Variants in RAD51B observed in about 807,000 individuals in gnomAD.
RAD51B encodes the protein RAD51 paralog B.
A neutral mutation model predicts 42.2 loss-of-function variants in RAD51B; 38 were observed. The observed-to-expected ratio is 0.90, with a 90% confidence interval of 0.70 to 1.18. RAD51B has a LOEUF of 1.18. RAD51B is among the 50% of genes most tolerant of loss of function. The pLI is 0.00. For synonymous variants in RAD51B, 154 were observed against 145.2 expected (o/e 1.06, Z -0.43); for missense variants, 373 against 400.7 (o/e 0.93, Z 0.59).
Position 68,540,166 on chromosome 14 carries a change from CTTTTTTTT to C in RAD51B, c.1037-54301_1037-54294del, listed in dbSNP as rs11321834. 31 of 587,324 alleles carry C rather than the reference CTTTTTTTT, an allele frequency of 5.3e-5. No homozygotes were observed. The Admixed American group carries it at 1.9e-3, about 35-fold the overall frequency. 36.4% of individuals were successfully genotyped at this position (587,324 alleles called of 1,614,324 possible). On this transcript the variant is annotated intron_variant, in intron 10 of 10. Coordinates refer to the RAD51B transcript ENST00000487270. ...GACATGAGGGAATCCTACCCTGCTC[CTTTTTTTT>C]TTTTTTTTTTTTTTTTTAAATACAG...
chr14:68,479,133 C>A (rs1469831032), downstream of RAD51B, among the ~76,000 whole-genome samples: 3 of 152,122 alleles, frequency 2.0e-5, no homozygotes, highest in African/African-American at 7.2e-5. Context: ...AGGCTGTGAC[C>A]ATGTGTCTCC....
At chr14:68,201,360 T>A (rs1468056524) in intron 7 of RAD51B, among the ~76,000 whole-genome samples, 1 of 152,240 alleles carries the variant, frequency 6.6e-6, no homozygotes, top group Non-Finnish European at 1.5e-5. Context: ...TAGTGATATT[T>A]CTGGAAAGAG....
At chr14:68,133,271 A>G (rs888465567) in intron 7 of RAD51B, among the ~76,000 whole-genome samples, 1 of 152,182 alleles carries the variant, frequency 6.6e-6, no homozygotes, top group Non-Finnish European at 1.5e-5. Context: ...TTCTTTTTCC[A>G]CGTATTTCTA....
At chr14:67,872,999 T>G (rs1247763325) in intron 5 of RAD51B, among the ~76,000 whole-genome samples, 3 of 152,174 alleles carry the variant, frequency 2.0e-5, no homozygotes, top group African/African-American at 7.2e-5. Flanking sequence ...GAAGAAAACC[T>G]AGGCATTACC....
chr14:67,987,702 A>G (rs139629054), intron 7 of RAD51B, among the ~76,000 whole-genome samples: 5 of 152,284 alleles, frequency 3.3e-5, no homozygotes, highest in African/African-American at 7.2e-5. Context: ...CTGAAGGCCT[A>G]TTTTAACTCT....
chr14:67,845,460 G>A (rs1428831349), intron 4 of RAD51B, among the ~76,000 whole-genome samples: 1 of 152,156 alleles, frequency 6.6e-6, no homozygotes, highest in Non-Finnish European at 1.5e-5. Flanking sequence ...TTGAGCCCAG[G>A]AGTTTGAGAC....
intron 10 of RAD51B, among the ~76,000 whole-genome samples, chr14:68,501,049 C>G (rs911315756): frequency 3.3e-5 from 5 of 152,164 alleles, no homozygotes; most frequent in African/African-American, 1.2e-4. Context: ...GGGCTGGTTT[C>G]CCTCTTGCCA....
At chr14:67,849,027 A>ATTGACCTCG (rs1411668397) in intron 4 of RAD51B, among the ~76,000 whole-genome samples, 2 of 151,990 alleles carry the variant, frequency 1.3e-5, no homozygotes, top group Non-Finnish European at 2.9e-5. Context: ...TTTCTTTTGC[A>ATTGACCTCG]TTGACCTCGT....
chr14:68,500,567 G>A (rs1002900255), intron 10 of RAD51B, among the ~76,000 whole-genome samples: 1 of 152,264 alleles, frequency 6.6e-6, no homozygotes, highest in African/African-American at 2.4e-5. Context: ...CTTTGTCAGT[G>A]AGGGTTGGAG....
chr14:68,329,593 A>C (rs1287553387), intron 8 of RAD51B, among the ~76,000 whole-genome samples: 4 of 152,238 alleles, frequency 2.6e-5, no homozygotes, highest in African/African-American at 9.6e-5. Flanking sequence ...ATCTGTAATT[A>C]AATATTGCTA....
intron 8 of RAD51B, among the ~76,000 whole-genome samples, chr14:68,381,323 G>T (rs992877489): frequency 3.3e-5 from 5 of 152,136 alleles, no homozygotes; most frequent in African/African-American, 1.2e-4. Context: ...TTCACTTAAA[G>T]CAATATTGGT....
intron 4 of RAD51B, chr14:67,857,830 G>GTGAT (rs1174330337): frequency 1.3e-5 from 2 of 153,080 alleles, no homozygotes; most frequent in Admixed American, 6.5e-5. Context: ...GAGTGAGTGA[G>GTGAT]TGCGGGATCT....
At chr14:67,942,447 C>A (rs1382927695) in intron 7 of RAD51B, among the ~76,000 whole-genome samples, 1 of 152,020 alleles carries the variant, frequency 6.6e-6, no homozygotes, top group East Asian at 1.9e-4. Flanking sequence ...TGATAGGAAC[C>A]CTAAGGATTG....
At chr14:68,084,618 C>A (rs1245082615) in intron 7 of RAD51B, among the ~76,000 whole-genome samples, 1 of 152,174 alleles carries the variant, frequency 6.6e-6, no homozygotes, top group African/African-American at 2.4e-5. Flanking sequence ...TCATGAGGAG[C>A]AGAGCAAAAC....
intron 8 of RAD51B, among the ~76,000 whole-genome samples, chr14:68,331,898 G>C (rs2082359062): frequency 6.6e-6 from 1 of 151,872 alleles, no homozygotes; most frequent in African/African-American, 2.4e-5. Context: ...TATTGGGGGG[G>C]TTTGCTGAAT....
intron 8 of RAD51B, among the ~76,000 whole-genome samples, chr14:68,378,031 T>C (rs1183985667): frequency 6.6e-6 from 1 of 152,178 alleles, no homozygotes; most frequent in Non-Finnish European, 1.5e-5. Flanking sequence ...CTCCTAGAGA[T>C]TTTTTAACAG....
At chr14:68,002,253 C>T (rs2075498981) in intron 7 of RAD51B, among the ~76,000 whole-genome samples, 1 of 151,154 alleles carries the variant, frequency 6.6e-6, no homozygotes, top group African/African-American at 2.4e-5. Context: ...CTGATGTGAG[C>T]CATTGTGGTT....
chr14:68,116,346 T>TAAAAAAAAA (rs59572940), intron 7 of RAD51B, among the ~76,000 whole-genome samples: 2 of 135,262 alleles, frequency 1.5e-5, no homozygotes. Flanking sequence ...TTTAAAAGGT[T>TAAAAAAAAA]AAAAAAAAAA....
intron 11 of RAD51B, among the ~76,000 whole-genome samples, chr14:68,670,763 T>C (rs2140154238): frequency 6.6e-6 from 1 of 152,320 alleles, no homozygotes; most frequent in Non-Finnish European, 1.5e-5. Context: ...AGCAAAGTGG[T>C]CGAAGGCCAG....
Sources: allele counts gnomAD v4.1 joint callset (sites outside exome capture counted in the v4.1 genomes callset), GRCh38; gene constraint gnomAD v4.1.1; transcripts MANE v1.5; gene names NCBI Gene and HGNC (gene_info 2026-07-23, HGNC 2026-07-21).